Variants in ATP10B observed in about 807,000 individuals in gnomAD.
ATP10B encodes ATPase phospholipid transporting 10B (putative), also known as phospholipid-transporting ATPase VB.
ATP10B carries 122 observed loss-of-function variants against 141.2 expected under a neutral mutation model. That is an observed-to-expected ratio of 0.86 (90% CI 0.75 to 1.00). The LOEUF (loss-of-function observed/expected upper bound fraction) is 1.00. ATP10B is among the 50% of genes least tolerant of loss of function. The pLI, the probability that ATP10B is intolerant of heterozygous loss-of-function variation, is 0.00. For missense variants in ATP10B, 1,876 were observed against 1,825.3 expected (o/e 1.03, Z -0.51); for synonymous variants, 685 against 692.0 (o/e 0.99, Z 0.16).
At chr5:160,844,537 TAATA>T (rs1200213194) in intron 1 of ATP10B, among the ~76,000 whole-genome samples, 2 of 151,970 alleles carry the variant, frequency 1.3e-5, no homozygotes, top group Non-Finnish European at 2.9e-5. Flanking sequence ...CCCAATAACT[TAATA>T]AATACTTTGT....
intron 7 of ATP10B, among the ~76,000 whole-genome samples, chr5:160,660,102 A>G (rs889240809): frequency 6.6e-6 from 1 of 152,210 alleles, no homozygotes; most frequent in Non-Finnish European, 1.5e-5. Flanking sequence ...AAGATTACGT[A>G]TTTAATGTGG....
At chr5:160,716,421 A>C (rs1452807650) in intron 3 of ATP10B, among the ~76,000 whole-genome samples, 1 of 152,202 alleles carries the variant, frequency 6.6e-6, no homozygotes, top group Non-Finnish European at 1.5e-5. Context: ...AGAAAGTAAG[A>C]AGCAGGGAAG....
At chr5:160,902,781 T>C in the ATP10B span, among the ~76,000 whole-genome samples, 1 of 152,204 alleles carries the variant, frequency 6.6e-6, no homozygotes, top group East Asian at 1.9e-4. Flanking sequence ...AGTGACTGAT[T>C]AATAATTTCA....
In ATP10B at chr5:160,592,031, G is replaced by A. The variant is rs73304677; in HGVS notation, c.3565-892C>T. 1.5e-4 allele frequency among the ~76,000 whole-genome samples: 23 copies of A among 152,236 alleles called. No individual in the cohort carries two copies. In the East Asian group the frequency reaches 1.9e-3, roughly 13 times the overall value. On this transcript the variant is annotated intron_variant, in intron 22 of 25. Coordinates refer to ENST00000327245, the MANE Select transcript of ATP10B (RefSeq NM_025153.3). ...AAGTCCCTCTTCCCAGAGCTCCCTCGATCCAGCTTCTTGCTGGTGCTGGGA... is the reference window on the plus strand; with the variant it reads ...AAGTCCCTCTTCCCAGAGCTCCCTCAATCCAGCTTCTTGCTGGTGCTGGGA...
chr5:160,632,511 T>C (rs1759008678), intron 12 of ATP10B, 144 bp from the exon 13 acceptor site: 1 of 701,586 alleles, frequency 1.4e-6, no homozygotes, highest in Non-Finnish European at 2.4e-6. Flanking sequence ...CTACCAAGAC[T>C]GGAGAAAGAA....
chr5:160,890,380 C>T, the ATP10B span, among the ~76,000 whole-genome samples: 3 of 152,220 alleles, frequency 2.0e-5, no homozygotes, highest in South Asian at 6.2e-4. Flanking sequence ...AAACCATCAC[C>T]TTGATCTAGT....
At chr5:160,777,357 G>A (rs1770408409) in intron 2 of ATP10B, among the ~76,000 whole-genome samples, 2 of 152,150 alleles carry the variant, frequency 1.3e-5, no homozygotes, top group African/African-American at 4.8e-5. Flanking sequence ...CACTGCTCAA[G>A]GCTGCCCTAC....
chr5:160,674,658 G>A (rs900249925), intron 6 of ATP10B, among the ~76,000 whole-genome samples: 1 of 152,062 alleles, frequency 6.6e-6, no homozygotes, highest in Admixed American at 6.5e-5. Flanking sequence ...AGATAGCCCA[G>A]TTCCAGGGTT....
intron 24 of ATP10B, among the ~76,000 whole-genome samples, chr5:160,586,789 T>A (rs2127607180): frequency 6.6e-6 from 1 of 152,218 alleles, no homozygotes; most frequent in South Asian, 2.1e-4. Context: ...AAGTATGTGT[T>A]CATATCCTTT....
chr5:160,778,549 T>A (rs1455466960), intron 2 of ATP10B, among the ~76,000 whole-genome samples: 2 of 152,212 alleles, frequency 1.3e-5, no homozygotes, highest in African/African-American at 4.8e-5. Context: ...GCCCACTTGA[T>A]TGTCATCTAG....
chr5:160,813,581 A>G (rs1338477686), intron 1 of ATP10B, among the ~76,000 whole-genome samples: 1 of 152,220 alleles, frequency 6.6e-6, no homozygotes, highest in Non-Finnish European at 1.5e-5. Flanking sequence ...AACAAAAGGC[A>G]GCAGAATCCT....
chr5:160,631,816 C>T (rs892528129), intron 13 of ATP10B, among the ~76,000 whole-genome samples: 1 of 152,190 alleles, frequency 6.6e-6, no homozygotes, highest in Non-Finnish European at 1.5e-5. Flanking sequence ...TTAGGGACCT[C>T]TCAACCCAAG....
At chr5:160,784,022 G>C (rs1244013145) in intron 2 of ATP10B, among the ~76,000 whole-genome samples, 1 of 152,072 alleles carries the variant, frequency 6.6e-6, no homozygotes, top group African/African-American at 2.4e-5. Context: ...AATAATAATA[G>C]CTTAATCCAC....
At chr5:160,721,734 T>C (rs369039595) in intron 2 of ATP10B, among the ~76,000 whole-genome samples, 26 of 152,320 alleles carry the variant, frequency 1.7e-4, no homozygotes, top group East Asian at 1.2e-3. Context: ...AAGACTTCTT[T>C]TGACTTTATA....
At chr5:160,888,645 C>T in the ATP10B span, among the ~76,000 whole-genome samples, 3 of 152,126 alleles carry the variant, frequency 2.0e-5, no homozygotes, top group East Asian at 1.9e-4. Flanking sequence ...ATGTAGACTG[C>T]GAAGCAATTC....
At chr5:160,572,112 A>G (rs1581131873) in intron 24 of ATP10B, among the ~76,000 whole-genome samples, 1 of 151,982 alleles carries the variant, frequency 6.6e-6, no homozygotes, top group Non-Finnish European at 1.5e-5. Flanking sequence ...CATTGGCTCA[A>G]TTTGTTTCTC....
chr5:160,697,459 A>T (rs1015005876), intron 3 of ATP10B, among the ~76,000 whole-genome samples: 1 of 152,240 alleles, frequency 6.6e-6, no homozygotes, highest in African/African-American at 2.4e-5. Flanking sequence ...AGCACAAAAA[A>T]GTGCTCTGTC....
At chr5:160,789,602 G>A (rs544121647) in intron 1 of ATP10B, among the ~76,000 whole-genome samples, 1 of 152,194 alleles carries the variant, frequency 6.6e-6, no homozygotes, top group South Asian at 2.1e-4. Flanking sequence ...TCATTTTGTG[G>A]CACATGACTG....
chr5:160,686,533 C>T (rs1013310428), intron 5 of ATP10B, among the ~76,000 whole-genome samples: 2 of 152,076 alleles, frequency 1.3e-5, no homozygotes, highest in Non-Finnish European at 1.5e-5. Flanking sequence ...ATCCATCACC[C>T]GAGCAGTATA....
Sources: allele counts gnomAD v4.1 joint callset (sites outside exome capture counted in the v4.1 genomes callset), GRCh38; gene constraint gnomAD v4.1.1; transcripts MANE v1.5; gene names NCBI Gene and HGNC (gene_info 2026-07-23, HGNC 2026-07-21).